ABCC6: variants seen among roughly 807,000 people sequenced by gnomAD.
The protein encoded by ABCC6 is ATP binding cassette subfamily C member 6, also known as ATP-binding cassette sub-family C member 6.
A neutral mutation model predicts 169.5 loss-of-function variants in ABCC6; 126 were observed. The ratio of observed to expected loss-of-function variants is 0.74; its 90% CI spans 0.64 to 0.86. The LOEUF is 0.86. Ranked by LOEUF, ABCC6 falls within the 40% of genes least tolerant of loss-of-function variation. The pLI is 0.00. For synonymous variants in ABCC6, 752 were observed against 814.7 expected, an observed-to-expected ratio of 0.92 and a Z score of 1.31; for missense variants, 1,733 against 1,927.2, an observed-to-expected ratio of 0.90 and a Z score of 1.89.
At position 16,162,720 on chromosome 16, in the gene ABCC6, T is replaced by C. The variant is rs560921792; in HGVS notation, c.3506+273A>G. On this transcript the variant is annotated intron_variant, in intron 24 of 30. Transcript: ENST00000205557. ...GTACCTAAAGATGGCTGAGGATGCT[T>C]ATATGGCTGCTTTATCACCAAGGCA... Among the ~76,000 whole-genome samples, 20 of 152,300 alleles carry C rather than the reference T, an allele frequency of 1.3e-4. No homozygotes were observed. The South Asian group carries it at 3.9e-3, about 30-fold the overall frequency.
chr16:16,158,084 C>T (rs187893136), intron 26 of ABCC6, among the ~76,000 whole-genome samples: 5 of 152,258 alleles, frequency 3.3e-5, no homozygotes, highest in African/African-American at 1.2e-4. Context: ...AGACATTTCT[C>T]TTTGTCTTTG....
intron 24 of ABCC6, among the ~76,000 whole-genome samples, chr16:16,162,635 G>A (rs1424589090): frequency 1.3e-5 from 2 of 152,346 alleles, no homozygotes; most frequent in Middle Eastern, 3.4e-3. Flanking sequence ...GTAAGTGGCA[G>A]AGCTGGGATT....
chr16:16,209,915 G>A (rs1324282093), intron 6 of ABCC6, among the ~76,000 whole-genome samples: 7 of 151,972 alleles, frequency 4.6e-5, no homozygotes, highest in Non-Finnish European at 7.4e-5. Context: ...GTTTATAGTA[G>A]AGATGGGATT....
intron 10 of ABCC6, among the ~76,000 whole-genome samples, chr16:16,194,078 A>G (rs2047955802): frequency 6.6e-6 from 1 of 152,230 alleles, no homozygotes; most frequent in South Asian, 2.1e-4. Flanking sequence ...CCCAGCCACA[A>G]CAGTAAAGTT....
intron 7 of ABCC6, 46 bp downstream of exon 7, chr16:16,208,682 T>C (rs1452418573): frequency 3.1e-6 from 5 of 1,613,388 alleles, no homozygotes; most frequent in Non-Finnish European, 4.2e-6. Context: ...AATGATGAGC[T>C]TTTCTGAAGT....
rs1429849647 is a variant in ABCC6, at chr16:16,190,328, T to C, written c.1471A>G (p.Thr491Ala). ...TTCGAGTTCCTGAGGATAGAGCTGGTGAGCCGTGCCCGTGAGTCCTTCTGC... is the reference window on the plus strand; with the variant it reads ...TTCGAGTTCCTGAGGATAGAGCTGGCGAGCCGTGCCCGTGAGTCCTTCTGC... ...MRQKDSRARL[T>A]SSILRNSKTI... The change falls in exon 12 of 31, where the codon ACC (threonine) becomes GCC (alanine). Residue 491 changes from threonine to alanine, a missense_variant. Around this residue, in one of 5 missense-constraint regions of ABCC6, gnomAD observed 1,601 missense variants for 1,635.5 expected, o/e 0.98. Coordinates refer to ENST00000205557, the MANE Select transcript of ABCC6 (RefSeq NM_001171.6). 6 of 1,614,036 alleles carry C rather than the reference T, an allele frequency of 3.7e-6. No individual in the cohort carries two copies. The African/African-American group carries it at 8.0e-5, about 22-fold the overall frequency.
chr16:16,195,303 ATTTTT>A (rs61393724), intron 10 of ABCC6, among the ~76,000 whole-genome samples: 1,620 of 96,582 alleles, frequency 0.017, 20 homozygotes, highest in African/African-American at 0.034. Flanking sequence ...GTCTCATCTA[ATTTTT>A]TTTTTTTTTT....
rs200386727 is a variant in ABCC6, at chr16:16,163,193, C to G, written c.3307-1G>C. 6.2e-7 allele frequency: 1 copy of G among 1,613,016 alleles called. No individual in the cohort carries two copies. Among genetic ancestry groups the G allele is most frequent in the East Asian group, 2.2e-5 (1 of 44,866 alleles). The stretch of plus-strand genomic sequence containing the variant: ...GGCATGAGCTAACCACATACAGGCT[C>G]TGAGAAGGATGGATGGGAGAGGGAA... On this transcript the variant is annotated splice_acceptor_variant, in intron 23 of 30. Transcript: ENST00000205557. LOFTEE classifies it high-confidence loss of function.
At position 16,150,161 on chromosome 16, in the gene ABCC6, C is replaced by G. The variant is rs756250178; in HGVS notation, c.4484G>C (p.Arg1495Thr). 1 of 1,613,188 alleles carries G rather than the reference C, an allele frequency of 6.2e-7. No homozygotes were observed. The highest frequency in any genetic ancestry group is 1.7e-5 in the Admixed American group (1 of 60,026). ...QLLAQKGLFY[R>T]LAQESGLV ...GACCAGGCCTGACTCCTGGGCCAGT[C>G]TGTAAAACAGGCCCTTCTGGGCCAG... The change falls in exon 31 of 31, where the codon AGA becomes ACA. Residue 1495 changes from arginine to threonine, a missense_variant. Physicochemically the swap from Arg to Thr is moderately conservative, Grantham distance 71 (BLOSUM62 -1). Around this residue, in one of 5 missense-constraint regions of ABCC6, gnomAD observed 1,601 missense variants for 1,635.5 expected, o/e 0.98. Transcript: ENST00000205557.
chr16:16,150,355 A>G (rs561514075), intron 30 of ABCC6, 114 bp from the exon 31 acceptor site: 1 of 1,555,682 alleles, frequency 6.4e-7, no homozygotes, highest in Non-Finnish European at 8.7e-7. Context: ...CCTGCTTTCC[A>G]TGCGGCTCCC....
At chr16:16,174,339 C>G (rs992595631) in intron 20 of ABCC6, among the ~76,000 whole-genome samples, 5 of 152,252 alleles carry the variant, frequency 3.3e-5, no homozygotes, top group African/African-American at 1.2e-4. Flanking sequence ...TACCTCACTT[C>G]TGTTTTCTGT....
chr16:16,185,133 A>T, intron 14 of ABCC6, 99 bp from the exon 15 acceptor site: 2 of 1,113,624 alleles, frequency 1.8e-6, no homozygotes, highest in East Asian at 2.4e-5. Flanking sequence ...CCCCAGGGGC[A>T]GAGGCTGCAG....
intron 2 of ABCC6, among the ~76,000 whole-genome samples, chr16:16,220,608 G>A (rs4781764): frequency 3.9e-5 from 6 of 152,012 alleles, no homozygotes; most frequent in East Asian, 1.9e-4. Flanking sequence ...TTATTGAAAC[G>A]CAGTCGGCCG....
intron 22 of ABCC6, among the ~76,000 whole-genome samples, chr16:16,169,279 C>A (rs2046980405): frequency 6.6e-6 from 1 of 152,138 alleles, no homozygotes; most frequent in Non-Finnish European, 1.5e-5. Context: ...AAGAAGAAGT[C>A]TTTCCATTTT....
rs200330935 is a variant in ABCC6, at chr16:16,203,540, G to A, written c.868C>T (p.Arg290Trp). 58 of 1,613,898 alleles carry A rather than the reference G, an allele frequency of 3.6e-5. No homozygotes were observed. Among genetic ancestry groups the A allele is most frequent in the South Asian group, 5.5e-5 (5 of 91,072 alleles). Residue 290 changes from arginine (R) to tryptophan (W), a missense_variant, in exon 8 of 31, where the codon CGG becomes TGG. Physicochemically the swap from Arg to Trp is moderately radical, Grantham distance 101 (BLOSUM62 -3). This residue lies in a region of ABCC6 where 1,601 missense variants were observed against 1,635.5 expected (regional missense o/e 0.98). Transcript: ENST00000205557. ...MKAPETEPFL[R>W]QEGSQWRPLL... ...GGGCGCCACTGGCTCCCTTCTTGCC[G>A]TAGGAAGGGCTCGGTCTCTGGAGCC...
rs985237877 is a variant in ABCC6, at chr16:16,176,111, A to G, written c.2591-125T>C. 113 of 879,236 alleles carry G rather than the reference A, an allele frequency of 1.3e-4. 1 individual carries two copies. The South Asian group carries it at 1.5e-3, about 11-fold the overall frequency. The allele number at this position is 879,236 out of a possible 1,614,324, so 54.5% of individuals were successfully genotyped here. ...CTGATCTGGCTCCTGCCACGTCTCC[A>G]GCAACCTCTCTCAACACCCCACTCT... On this transcript the variant is annotated intron_variant, in intron 19 of 30. Transcript: ENST00000205557.
intron 9 of ABCC6, among the ~76,000 whole-genome samples, chr16:16,200,340 A>C (rs534429504): frequency 6.6e-6 from 1 of 151,576 alleles, no homozygotes; most frequent in Admixed American, 6.6e-5. Flanking sequence ...GAGACAGGAG[A>C]ATCACTTGAA....
In ABCC6 at chr16:16,190,244, C is replaced by T. The variant is rs2047802820; in HGVS notation, c.1555G>A (p.Gly519Ser). ...AFLDRVLGIR[G>S]QELGALRTSG... The stretch of plus-strand genomic sequence containing the variant: ...GTCCGCAAGGCGCCCAGCTCCTGGC[C>T]TCGGATGCCCAGGACTCTGTCCAGA... The change falls in exon 12 of 31, where the codon GGC becomes AGC. Residue 519 changes from glycine to serine, a missense_variant. Gly to Ser is a moderately conservative substitution (Grantham distance 56, BLOSUM62 0). Transcript: ENST00000205557. 1 of 1,614,146 alleles carries T rather than the reference C, an allele frequency of 6.2e-7. No individual in the cohort carries two copies. The highest frequency in any genetic ancestry group is 8.5e-7 in the Non-Finnish European group (1 of 1,180,024).
chr16:16,190,580 C>CTGGG (rs2047816025), intron 11 of ABCC6, among the ~76,000 whole-genome samples: 1 of 151,902 alleles, frequency 6.6e-6, no homozygotes, highest in Non-Finnish European at 1.5e-5. Flanking sequence ...TAATGTGCCC[C>CTGGG]ATGGAGGAAG....
Sources: allele counts gnomAD v4.1 joint callset (sites outside exome capture counted in the v4.1 genomes callset), GRCh38; gene constraint gnomAD v4.1.1; regional missense constraint gnomAD v4.1.1; transcripts MANE v1.5; gene names NCBI Gene and HGNC (gene_info 2026-07-23, HGNC 2026-07-21).